The following RBFOX1 variants were observed in gnomAD, a reference collection of about 807,000 sequenced individuals.
RBFOX1 encodes the protein RNA binding fox-1 homolog 1.
RBFOX1 carries 8 observed loss-of-function variants against 57.7 expected under a neutral mutation model. The observed-to-expected ratio is 0.14, with a 90% CI of 0.08 to 0.25. RBFOX1 has a LOEUF of 0.25. Ranked by LOEUF, RBFOX1 falls within the 10% of genes least tolerant of loss-of-function variation. The probability of loss-of-function intolerance (pLI) is 1.00; values close to 1 mark genes in which losing one functional copy is unlikely to be tolerated. For synonymous variants in RBFOX1, 326 were observed against 222.4 expected (o/e 1.47, Z -4.15); for missense variants, 611 against 548.5 (o/e 1.11, Z -1.14).
chr16:6,077,654 C>G (rs8054200), intron 1 of RBFOX1, among the ~76,000 whole-genome samples: 1 of 150,130 alleles, frequency 6.7e-6, no homozygotes, highest in Non-Finnish European at 1.5e-5. Flanking sequence ...TTTTCCCCTG[C>G]GCTCTTGCGT....
intron 1 of RBFOX1, among the ~76,000 whole-genome samples, chr16:5,436,345 C>A (rs910893361): frequency 1.3e-5 from 2 of 152,140 alleles, no homozygotes; most frequent in African/African-American, 2.4e-5. Flanking sequence ...AGTTCAGGGG[C>A]TACAGAAGAG....
At chr16:6,387,674 A>G (rs956049969) in intron 2 of RBFOX1, among the ~76,000 whole-genome samples, 2 of 152,108 alleles carry the variant, frequency 1.3e-5, no homozygotes, top group Admixed American at 6.6e-5. Context: ...AGCTTTATGC[A>G]CTTGGGATTC....
chr16:6,666,534 T>C (rs2154104631), intron 3 of RBFOX1, among the ~76,000 whole-genome samples: 1 of 128,992 alleles, frequency 7.8e-6, no homozygotes, highest in South Asian at 2.5e-4. Context: ...AGTAAGACTC[T>C]GTCTCCAAAA....
At chr16:6,823,505 C>T (rs1376064864) in intron 3 of RBFOX1, among the ~76,000 whole-genome samples, 1 of 151,558 alleles carries the variant, frequency 6.6e-6, no homozygotes, top group Non-Finnish European at 1.5e-5. Context: ...CATCTGTATG[C>T]CTCAGTCTCC....
At chr16:5,395,050 C>G (rs1349938839) in intron 1 of RBFOX1, among the ~76,000 whole-genome samples, 1 of 152,228 alleles carries the variant, frequency 6.6e-6, no homozygotes, top group African/African-American at 2.4e-5. Context: ...CGACACCCTT[C>G]AGAATCTCTT....
intron 3 of RBFOX1, among the ~76,000 whole-genome samples, chr16:6,860,339 G>A (rs2058769508): frequency 6.6e-6 from 1 of 152,112 alleles, no homozygotes; most frequent in South Asian, 2.1e-4. Context: ...TTTGGCTGGG[G>A]GTGGTAATAT....
chr16:5,501,788 C>T (rs2043206381), intron 2 of RBFOX1, among the ~76,000 whole-genome samples: 1 of 152,022 alleles, frequency 6.6e-6, no homozygotes, highest in Non-Finnish European at 1.5e-5. Context: ...GTCACAGCTC[C>T]CTGCAGTCTC....
chr16:6,599,814 T>C (rs2154004681), intron 2 of RBFOX1, among the ~76,000 whole-genome samples: 1 of 152,200 alleles, frequency 6.6e-6, no homozygotes, highest in Non-Finnish European at 1.5e-5. Flanking sequence ...AGGCAATTAA[T>C]GAGAGCACTT....
intron 3 of RBFOX1, among the ~76,000 whole-genome samples, chr16:6,679,530 A>G (rs1442365218): frequency 3.3e-5 from 5 of 152,120 alleles, no homozygotes; most frequent in African/African-American, 7.2e-5. Context: ...TTACAGAGCA[A>G]TGGGGAAACA....
chr16:5,502,481 C>G (rs1362395034), intron 2 of RBFOX1, among the ~76,000 whole-genome samples: 1 of 152,150 alleles, frequency 6.6e-6, no homozygotes, highest in Non-Finnish European at 1.5e-5. Flanking sequence ...TGTCCCTGTT[C>G]TGGAAGCCCC....
At chr16:7,012,903 C>G (rs905326220) in intron 3 of RBFOX1, among the ~76,000 whole-genome samples, 1 of 152,092 alleles carries the variant, frequency 6.6e-6, no homozygotes, top group Non-Finnish European at 1.5e-5. Context: ...AGTTCAAGAT[C>G]AGGGTGCCAA....
At chr16:5,689,442 G>A (rs1809982928) in intron 3 of RBFOX1, among the ~76,000 whole-genome samples, 1 of 152,206 alleles carries the variant, frequency 6.6e-6, no homozygotes. Context: ...GGTGGGGAAA[G>A]CGGAGGATAG....
chr16:5,984,970 ATATATATTT>A (rs1424352813), intron 4 of RBFOX1, among the ~76,000 whole-genome samples: 76 of 53,160 alleles, frequency 1.4e-3, no homozygotes, highest in South Asian at 0.012. Context: ...ATATATATAT[ATATATATTT>A]TTTTTTTTTT....
chr16:7,676,845 G>T lies in RBFOX1; in HGVS notation c.995+7G>T. ...CCGCTGCCTACAGTGACAGGTAAGGGTCATCCTTCTTGTGCTTGACAACTA... is the reference window on the plus strand; with the variant it reads ...CCGCTGCCTACAGTGACAGGTAAGGTTCATCCTTCTTGTGCTTGACAACTA... On this transcript the variant is annotated splice_region_variant and intron_variant, in intron 14 of 15. Coordinates refer to ENST00000550418, the MANE Select transcript of RBFOX1 (RefSeq NM_018723.4). 1 of 1,609,828 alleles carries T rather than the reference G, an allele frequency of 6.2e-7. No individual in the cohort carries two copies. The highest frequency in any genetic ancestry group is 8.5e-7 in the Non-Finnish European group (1 of 1,176,320).
intron 4 of RBFOX1, among the ~76,000 whole-genome samples, chr16:5,897,091 A>C (rs1414130842): frequency 7.4e-6 from 1 of 134,744 alleles, no homozygotes; most frequent in Non-Finnish European, 1.5e-5. Context: ...TGCGGACTGC[A>C]GTGGCGCAAT....
In RBFOX1 at chr16:5,347,063, C is replaced by T. The variant is rs368155542; in HGVS notation, c.219+106958C>T. Among the ~76,000 whole-genome samples, 78 of 152,164 alleles carry T rather than the reference C, an allele frequency of 5.1e-4. 2 individuals carry two copies. The South Asian group carries it at 0.013, about 25-fold the overall frequency. On this transcript the variant is annotated intron_variant, in intron 1 of 2. Transcript: ENST00000585867. ...TTTATCCAGGCCTTTCCTCAAGGGA[C>T]GCCTTTTCAGCAAGACTTTATCTGG...
At chr16:7,437,030 A>G (rs1276983760) in intron 4 of RBFOX1, among the ~76,000 whole-genome samples, 1 of 152,178 alleles carries the variant, frequency 6.6e-6, no homozygotes. Context: ...GCAGTAAGCC[A>G]AGATCACACC....
intron 4 of RBFOX1, among the ~76,000 whole-genome samples, chr16:7,367,672 G>A (rs2147096897): frequency 6.6e-6 from 1 of 152,096 alleles, no homozygotes; most frequent in East Asian, 1.9e-4. Context: ...GAGAAACAGA[G>A]AACAAATGTC....
At chr16:7,623,016 T>C (rs1443758926) in intron 10 of RBFOX1, among the ~76,000 whole-genome samples, 1 of 152,178 alleles carries the variant, frequency 6.6e-6, no homozygotes, top group Non-Finnish European at 1.5e-5. Flanking sequence ...AATCTGTCAA[T>C]TGAAAGCAGT....
Sources: gnomAD v4.1 joint callset for allele counts (sites outside exome capture counted in the v4.1 genomes callset) on GRCh38, gnomAD v4.1.1 for gene constraint, MANE v1.5 for transcripts, NCBI Gene and HGNC (gene_info 2026-07-23, HGNC 2026-07-21) for gene names.